Variants in INTS7 observed in about 807,000 individuals in gnomAD.
INTS7 encodes the protein chromosome 1 open reading frame 73.
Under a neutral mutation model 109.2 loss-of-function variants are expected in INTS7, and 46 were observed. The observed-to-expected ratio is 0.42, with a 90% CI of 0.33 to 0.54. INTS7 has a LOEUF of 0.54. Among genes scored for constraint, INTS7 ranks in the 20% least tolerant of loss-of-function variants. The pLI, the probability that INTS7 is intolerant of heterozygous loss-of-function variation, is 0.07. For synonymous variants in INTS7, 412 were observed against 402.9 expected (o/e 1.02, Z -0.27); for missense variants, 929 against 1,132.4 (o/e 0.82, Z 2.58).
chr1:212,031,745 G>C (rs1392154913), intron 1 of INTS7, among the ~76,000 whole-genome samples: 1 of 152,162 alleles, frequency 6.6e-6, no homozygotes, highest in Non-Finnish European at 1.5e-5. Flanking sequence ...TGATTTTCCT[G>C]TTACTAACTA....
intron 9 of INTS7, among the ~76,000 whole-genome samples, chr1:211,981,994 A>G (rs1664689198): frequency 6.6e-6 from 1 of 152,188 alleles, no homozygotes; most frequent in Non-Finnish European, 1.5e-5. Context: ...CTAGAAAAAA[A>G]CAGGTACTAG....
chr1:211,947,703 T>C (rs1356688912), intron 17 of INTS7, among the ~76,000 whole-genome samples: 1 of 152,166 alleles, frequency 6.6e-6, no homozygotes, highest in Non-Finnish European at 1.5e-5. Context: ...CTGTAAACAG[T>C]TGCAACTAGG....
At chr1:211,986,992 C>T (rs1426872153) in intron 8 of INTS7, among the ~76,000 whole-genome samples, 2 of 152,198 alleles carry the variant, frequency 1.3e-5, no homozygotes, top group African/African-American at 4.8e-5. Flanking sequence ...TTCCGCAAAA[C>T]TTGCATTAAA....
chr1:212,017,013 T>A lies in INTS7; in HGVS notation c.382A>T (p.Ser128Cys). 1 of 1,593,390 alleles carries A rather than the reference T, an allele frequency of 6.3e-7. No individual in the cohort carries two copies. The highest frequency in any genetic ancestry group is 8.5e-7 in the Non-Finnish European group (1 of 1,172,478). The change falls in exon 4 of 20, where the codon AGT (serine) becomes TGT (cysteine). Residue 128 changes from serine to cysteine, a missense_variant. Transcript: ENST00000366994. ...ARAITLRMLG[S>C]LASIIPERKN... Reference sequence around the variant, plus strand: ...CTCTCAGGAATTATTGATGCCAGACTTCCCAACATCCTACAGAAACAGAGA... The same window carrying A: ...CTCTCAGGAATTATTGATGCCAGACATCCCAACATCCTACAGAAACAGAGA...
intron 10 of INTS7, among the ~76,000 whole-genome samples, chr1:211,980,341 T>C (rs1320633332): frequency 2.0e-5 from 3 of 152,246 alleles, no homozygotes; most frequent in Non-Finnish European, 4.4e-5. Flanking sequence ...AACAGTTTCT[T>C]ACTTCTATTA....
chr1:211,950,603 T>A (rs1028166110), intron 17 of INTS7, among the ~76,000 whole-genome samples: 1 of 152,230 alleles, frequency 6.6e-6, no homozygotes, highest in South Asian at 2.1e-4. Context: ...ACTCCCTATA[T>A]GACAGCACTG....
chr1:211,979,783 C>G (rs1175543275), intron 10 of INTS7, among the ~76,000 whole-genome samples: 1 of 152,200 alleles, frequency 6.6e-6, no homozygotes, highest in Non-Finnish European at 1.5e-5. Flanking sequence ...TTCCTCATTA[C>G]TGTAATTCGA....
At chr1:211,951,599 C>A (rs533761619) in intron 17 of INTS7, among the ~76,000 whole-genome samples, 1 of 152,194 alleles carries the variant, frequency 6.6e-6, no homozygotes, top group South Asian at 2.1e-4. Context: ...AGCCACCGCA[C>A]CCGGCCAGGA....
At chr1:212,022,962 A>T (rs998200407) in intron 1 of INTS7, among the ~76,000 whole-genome samples, 1 of 151,994 alleles carries the variant, frequency 6.6e-6, no homozygotes, top group African/African-American at 2.4e-5. Flanking sequence ...GTCCATGTGT[A>T]CCCAATGCTT....
intron 7 of INTS7, among the ~76,000 whole-genome samples, chr1:211,997,793 G>A (rs146274892): frequency 1.3e-4 from 19 of 151,388 alleles, no homozygotes; most frequent in African/African-American, 4.4e-4. Context: ...GCAGGAGAAT[G>A]GCTTGAACCT....
intron 7 of INTS7, among the ~76,000 whole-genome samples, chr1:211,991,089 A>G (rs967900896): frequency 1.3e-5 from 2 of 152,228 alleles, no homozygotes; most frequent in Non-Finnish European, 2.9e-5. Flanking sequence ...GAGATTACAT[A>G]TCAAGAAATG....
intron 8 of INTS7, among the ~76,000 whole-genome samples, chr1:211,986,247 G>A (rs1664888282): frequency 6.6e-6 from 1 of 152,036 alleles, no homozygotes; most frequent in South Asian, 2.1e-4. Context: ...GGCCGTCTTA[G>A]ACCATCCAAT....
intron 7 of INTS7, among the ~76,000 whole-genome samples, chr1:211,997,362 T>C (rs1665447381): frequency 6.6e-6 from 1 of 151,566 alleles, no homozygotes; most frequent in Admixed American, 6.6e-5. Flanking sequence ...CTGGGCAATG[T>C]GGCAAAATAC....
At chr1:211,951,701 C>A (rs1004741117) in intron 17 of INTS7, among the ~76,000 whole-genome samples, 4 of 152,166 alleles carry the variant, frequency 2.6e-5, no homozygotes, top group Non-Finnish European at 5.9e-5. Context: ...GTCACCAGGG[C>A]CAGGAAGAAA....
At chr1:211,971,449 A>G (rs1020045693) in intron 13 of INTS7, among the ~76,000 whole-genome samples, 1 of 152,254 alleles carries the variant, frequency 6.6e-6, no homozygotes. Context: ...ATGCAAGACT[A>G]TATGGCAGGG....
intron 17 of INTS7, among the ~76,000 whole-genome samples, chr1:211,951,395 G>A (rs1159884115): frequency 6.6e-6 from 1 of 152,026 alleles, no homozygotes; most frequent in African/African-American, 2.4e-5. Flanking sequence ...TGCAACCTCC[G>A]CCACCCGGTT....
rs201209813 is a variant in INTS7 at position 211,988,002 on chromosome 1, G to A, written c.881C>T (p.Ala294Val). The change falls in exon 8 of 20, where the codon GCA becomes GTA. Residue 294 changes from alanine to valine, a missense_variant and splice_region_variant. Around this residue, in one of 2 missense-constraint regions of INTS7, gnomAD observed 787 missense variants for 901.1 expected, o/e 0.87. Coordinates refer to ENST00000366994, the MANE Select transcript of INTS7 (RefSeq NM_015434.4). ...AGTCTGGAGGGCACACTCACAAAGT[G>A]CCTGGAATGCAGAAGAGAAATGAAT... is the stretch of plus-strand genomic sequence containing the variant. ...PHTWSRENIQALCECALQTPY... is the reference protein window; with the variant it reads ...PHTWSRENIQVLCECALQTPY... The A allele has an allele frequency of 8.0e-5, 120 of 1,494,548 alleles. No individual in the cohort carries two copies. In the African/African-American group the frequency reaches 1.1e-3, roughly 14 times the overall value. The allele number at this position is 1,494,548 out of a possible 1,614,324, so 92.6% of individuals were successfully genotyped here. A position where few individuals can be genotyped will look rare whatever the true frequency, so the allele number is the denominator to read the frequency against.
At chr1:212,009,821 T>G (rs2970600) in intron 5 of INTS7, among the ~76,000 whole-genome samples, 7,297 of 152,286 alleles carry the variant, frequency 0.048, 253 homozygotes, top group African/African-American at 0.091. Context: ...AAGGATACTT[T>G]TCTGCAGGAA....
chr1:212,005,583 T>G (rs1254654491), intron 7 of INTS7, among the ~76,000 whole-genome samples: 1 of 152,226 alleles, frequency 6.6e-6, no homozygotes, highest in Middle Eastern at 3.2e-3. Context: ...GGAATAATAC[T>G]GTGCTTCTCA....
Sources: gnomAD v4.1 joint callset for allele counts (sites outside exome capture counted in the v4.1 genomes callset) on GRCh38, gnomAD v4.1.1 for gene constraint, gnomAD v4.1.1 regional missense constraint, MANE v1.5 for transcripts, NCBI Gene and HGNC (gene_info 2026-07-23, HGNC 2026-07-21) for gene names.